The following DENND1A variants were observed in gnomAD, a reference collection of about 807,000 sequenced individuals.
The protein encoded by DENND1A is DENN domain containing 1A.
Under a neutral mutation model 113.7 loss-of-function variants are expected in DENND1A, and 51 were observed. The observed-to-expected ratio is 0.45, with a 90% CI of 0.36 to 0.57. The LOEUF (loss-of-function observed/expected upper bound fraction) is 0.57. Ranked by LOEUF, DENND1A falls within the 20% of genes least tolerant of loss-of-function variation. The probability of loss-of-function intolerance (pLI) is 0.00; values close to 1 mark genes in which losing one functional copy is unlikely to be tolerated. For missense variants in DENND1A, 1,258 were observed against 1,395.9 expected, an observed-to-expected ratio of 0.90 and a Z score of 1.57; for synonymous variants, 565 against 570.8, an observed-to-expected ratio of 0.99 and a Z score of 0.14.
chr9:123,578,983 A>C (rs999039562), intron 12 of DENND1A, among the ~76,000 whole-genome samples: 18 of 152,228 alleles, frequency 1.2e-4, no homozygotes, highest in Non-Finnish European at 2.2e-4. Flanking sequence ...TGAAGTTATG[A>C]AACAACATGT....
At chr9:123,883,736 CT>C (rs1848625829) in intron 1 of DENND1A, among the ~76,000 whole-genome samples, 1 of 152,150 alleles carries the variant, frequency 6.6e-6, no homozygotes, top group African/African-American at 2.4e-5. Context: ...GGTTATTCCT[CT>C]TCTTCTACCA....
At chr9:123,681,789 T>C (rs1210111952) in intron 5 of DENND1A, among the ~76,000 whole-genome samples, 1 of 152,130 alleles carries the variant, frequency 6.6e-6, no homozygotes, top group Non-Finnish European at 1.5e-5. Flanking sequence ...GATATCCCAA[T>C]TATAATGAGC....
intron 2 of DENND1A, among the ~76,000 whole-genome samples, chr9:123,876,927 G>A (rs1847557685): frequency 6.6e-6 from 1 of 152,072 alleles, no homozygotes; most frequent in African/African-American, 2.4e-5. Context: ...GGAACTGGAG[G>A]CCATTCTTTT....
intron 13 of DENND1A, among the ~76,000 whole-genome samples, chr9:123,464,161 T>A (rs943987000): frequency 1.3e-5 from 2 of 152,180 alleles, no homozygotes; most frequent in Non-Finnish European, 2.9e-5. Context: ...AAGCACTTAC[T>A]ATGGTCTAGG....
At chr9:123,542,992 C>G (rs747211195) in intron 13 of DENND1A, among the ~76,000 whole-genome samples, 2 of 152,178 alleles carry the variant, frequency 1.3e-5, no homozygotes, top group Admixed American at 6.5e-5. Flanking sequence ...CCTAGAGGAC[C>G]AAGTAGAGCA....
intron 6 of DENND1A, 92 bp from the exon 7 acceptor site, chr9:123,671,463 G>C (rs989262391): frequency 4.1e-6 from 5 of 1,225,562 alleles, no homozygotes; most frequent in African/African-American, 1.5e-5. Flanking sequence ...GACTGAGGGG[G>C]CTGGGGAGAT....
intron 13 of DENND1A, among the ~76,000 whole-genome samples, chr9:123,471,216 G>A (rs972377869): frequency 6.6e-6 from 1 of 152,206 alleles, no homozygotes; most frequent in Non-Finnish European, 1.5e-5. Flanking sequence ...AAGACACTGC[G>A]TGGGAATGCA....
At position 123,415,293 on chromosome 9, in the gene DENND1A, A is replaced by G. The variant is rs115552678; in HGVS notation, c.1489-3464T>C. Among the ~76,000 whole-genome samples, 1,015 of 152,174 alleles carry G rather than the reference A, an allele frequency of 6.7e-3. 16 individuals are homozygous for G. Among genetic ancestry groups the G allele is most frequent in the African/African-American group, 0.023 (963 of 41,494 alleles). ...GGGATCCTGTCACCAGAGGAAACAC[A>G]CAGGGACGGGGGCTGCACTCACCGA... On this transcript the variant is annotated intron_variant, in intron 19 of 23. Coordinates refer to ENST00000394215, the MANE Select transcript of DENND1A (RefSeq NM_001352964.2).
chr9:123,434,139 G>A (rs1486304302), intron 19 of DENND1A, among the ~76,000 whole-genome samples: 1 of 152,196 alleles, frequency 6.6e-6, no homozygotes, highest in African/African-American at 2.4e-5. Flanking sequence ...CAATTCTCCT[G>A]CCTCAGCCTC....
intron 5 of DENND1A, among the ~76,000 whole-genome samples, chr9:123,687,822 T>C (rs2064908132): frequency 1.3e-5 from 2 of 152,236 alleles, no homozygotes; most frequent in African/African-American, 2.4e-5. Flanking sequence ...GATTCTCCTA[T>C]TCTGTGGAAA....
intron 5 of DENND1A, among the ~76,000 whole-genome samples, chr9:123,731,370 T>C (rs559603145): frequency 6.6e-6 from 1 of 152,164 alleles, no homozygotes; most frequent in African/African-American, 2.4e-5. Flanking sequence ...CGCAGAACAA[T>C]GGAACAGAAT....
chr9:123,402,023 C>A lies in DENND1A; in HGVS notation c.1631+1379G>T, dbSNP rs2043512702. ...TAGTCCAGTTTTAAAGAGGGGACTT[C>A]AAAGAAATGTGACAAATTTCATCCC... On this transcript the variant is annotated intron_variant, in intron 21 of 23. Coordinates refer to ENST00000394215, the MANE Select transcript of DENND1A (RefSeq NM_001352964.2). 3.5e-5 allele frequency: 50 copies of A among 1,440,572 alleles called. No individual in the cohort carries two copies. The East Asian group carries it at 1.2e-3, about 33-fold the overall frequency. The allele number at this position is 1,440,572 out of a possible 1,614,324, so 89.2% of individuals were successfully genotyped here.
At chr9:123,409,288 A>T (rs1398105879) in intron 20 of DENND1A, among the ~76,000 whole-genome samples, 2 of 151,670 alleles carry the variant, frequency 1.3e-5, no homozygotes, top group Admixed American at 1.3e-4. Flanking sequence ...TTCTTGACTG[A>T]ATTTTTTTTC....
intron 2 of DENND1A, among the ~76,000 whole-genome samples, chr9:123,845,748 A>G (rs893426255): frequency 6.6e-6 from 1 of 151,470 alleles, no homozygotes; most frequent in South Asian, 2.1e-4. Context: ...CTAAAACCTA[A>G]TAAACAAACA....
chr9:123,510,388 C>T (rs145431159), intron 13 of DENND1A, among the ~76,000 whole-genome samples: 485 of 152,358 alleles, frequency 3.2e-3, no homozygotes, highest in Non-Finnish European at 4.9e-3. Context: ...CACACAAGGA[C>T]ACATCCCCAA....
At chr9:123,840,949 C>T (rs1409292667) in intron 2 of DENND1A, among the ~76,000 whole-genome samples, 1 of 152,168 alleles carries the variant, frequency 6.6e-6, no homozygotes, top group East Asian at 1.9e-4. Context: ...TGTTAAGTGG[C>T]ATTCTGCTGC....
intron 18 of DENND1A, among the ~76,000 whole-genome samples, chr9:123,446,120 C>A (rs2047286965): frequency 6.6e-6 from 1 of 152,200 alleles, no homozygotes; most frequent in Non-Finnish European, 1.5e-5. Flanking sequence ...AACACCACAT[C>A]TCCATGTGGG....
At position 123,413,522 on chromosome 9, in the gene DENND1A, G is replaced by C. The variant is rs1030795634; in HGVS notation, c.1489-1693C>G. On this transcript the variant is annotated intron_variant, in intron 19 of 23. Transcript: ENST00000394215. ...CCACTACTCCTGGAGGGCAGGGCCT[G>C]TGTCCCAGTTGTCCCTGGGTCCCTG... is the stretch of plus-strand genomic sequence containing the variant. 5 of 985,350 alleles carry C rather than the reference G, an allele frequency of 5.1e-6. No individual in the cohort carries two copies. The African/African-American group carries it at 8.7e-5, about 17-fold the overall frequency. The allele number at this position is 985,350 out of a possible 1,614,324, so 61.0% of individuals were successfully genotyped here.
chr9:123,469,847 G>A (rs765985012), intron 13 of DENND1A, among the ~76,000 whole-genome samples: 28 of 152,332 alleles, frequency 1.8e-4, no homozygotes, highest in South Asian at 4.1e-4. Context: ...CTCTGAAAGG[G>A]GACGTCACTT....
Sources: gnomAD v4.1 joint callset for allele counts (sites outside exome capture counted in the v4.1 genomes callset) on GRCh38, gnomAD v4.1.1 for gene constraint, MANE v1.5 for transcripts, NCBI Gene and HGNC (gene_info 2026-07-23, HGNC 2026-07-21) for gene names.